USP1: variants seen among roughly 807,000 people sequenced by gnomAD.
The protein encoded by USP1 is ubiquitin carboxyl-terminal hydrolase 1.
A neutral mutation model predicts 72.2 loss-of-function variants in USP1; 18 were observed. The observed-to-expected ratio is 0.25, with a 90% CI of 0.17 to 0.37. USP1 has a LOEUF of 0.37. USP1 is among the 10% of genes least tolerant of loss of function. The pLI, the probability that USP1 is intolerant of heterozygous loss-of-function variation, is 1.00. For missense variants in USP1, 759 were observed against 884.9 expected, an observed-to-expected ratio of 0.86 and a Z score of 1.81; for synonymous variants, 354 against 303.7, an observed-to-expected ratio of 1.17 and a Z score of -1.72.
At position 62,437,358 on chromosome 1, in the gene USP1, T is replaced by A. The variant is rs1413444612; in HGVS notation, c.-112T>A. Reference sequence around the variant, plus strand: ...CACCCACACTCATTCGGGTTGGACTTGCCGGCGTCACCGCCGCGGACTTCG... The same window carrying A: ...CACCCACACTCATTCGGGTTGGACTAGCCGGCGTCACCGCCGCGGACTTCG... On this transcript the variant is annotated 5_prime_UTR_variant, in exon 1 of 9. Coordinates refer to ENST00000339950, the MANE Select transcript of USP1 (RefSeq NM_003368.5). The A allele has an allele frequency of 2.5e-6, 1 of 393,280 alleles. No individual in the cohort carries two copies. The highest frequency in any genetic ancestry group is 2.1e-5 in the African/African-American group (1 of 48,450). The allele number at this position is 393,280 out of a possible 1,614,324, so 24.4% of individuals were successfully genotyped here.
Position 62,445,170 on chromosome 1 carries a change from C to G in USP1, c.990C>G (p.Pro330=). ...KYISENESPR[P]SQKKSRVKIN... ...TTTCTGAAAATGAGAGTCCAAGACC[C>G]TCACAAAAGAAATCAAGAGTTAAAA... is the stretch of plus-strand genomic sequence containing the variant. The change falls in exon 6 of 9, where the codon CCC becomes CCG. Residue 330 remains proline, a synonymous_variant. Coordinates refer to ENST00000339950, the MANE Select transcript of USP1 (RefSeq NM_003368.5). 6.2e-7 allele frequency: 1 copy of G among 1,613,160 alleles called. No individual in the cohort carries two copies. The highest frequency in any genetic ancestry group is 8.5e-7 in the Non-Finnish European group (1 of 1,179,806).
chr1:62,450,700 A>C lies in USP1; in HGVS notation c.2077A>C (p.Thr693Pro), dbSNP rs2149208707. The change falls in exon 9 of 9, where the codon ACA becomes CCA. Residue 693 changes from threonine to proline, a missense_variant. By Grantham distance (38) the Thr-to-Pro change is conservative. Transcript: ENST00000339950. ...KASNPDKVASTAFAENRNSET... is the reference protein window; with the variant it reads ...KASNPDKVASPAFAENRNSET... Reference sequence around the variant, plus strand: ...CTCTAATCCTGATAAGGTTGCTAGTACAGCGTTTGCTGAAAATAGAAATTC... The same window carrying C: ...CTCTAATCCTGATAAGGTTGCTAGTCCAGCGTTTGCTGAAAATAGAAATTC... 6.2e-7 allele frequency: 1 copy of C among 1,614,154 alleles called. No homozygotes were observed. Among genetic ancestry groups the C allele is most frequent in the South Asian group, 1.1e-5 (1 of 91,068 alleles).
chr1:62,440,791 A>C (rs1645127513), intron 2 of USP1, among the ~76,000 whole-genome samples: 1 of 152,182 alleles, frequency 6.6e-6, no homozygotes, highest in Non-Finnish European at 1.5e-5. Flanking sequence ...ATAAATGAAA[A>C]TATTGGAAGG....
chr1:62,444,726 T>A lies in USP1; in HGVS notation c.558-12T>A, dbSNP rs1240504681. The A allele has an allele frequency of 6.6e-7, 1 of 1,510,610 alleles. No individual in the cohort carries two copies. Among genetic ancestry groups the A allele is most frequent in the African/African-American group, 1.4e-5 (1 of 70,966 alleles). 93.6% of individuals were successfully genotyped at this position (1,510,610 alleles called of 1,614,324 possible). A position where few individuals can be genotyped will look rare whatever the true frequency, so the allele number is the denominator to read the frequency against. ...AAACTAGAATAGATGAAATGGAAAT[T>A]TTTATTTATAGGGAACTCAACCCTA... On this transcript the variant is annotated splice_polypyrimidine_tract_variant and intron_variant, in intron 5 of 8. Transcript: ENST00000339950.
chr1:62,437,460 C>T (rs1645098261), intron 1 of USP1, 60 bp downstream of exon 1: 2 of 324,868 alleles, frequency 6.2e-6, no homozygotes, highest in East Asian at 4.5e-5. Flanking sequence ...TCGGCCGGCG[C>T]GGGAGAGGAG....
rs1645093082 is a variant in USP1, at chr1:62,437,079, A to G, written c.-391A>G. 2.5e-6 allele frequency: 1 copy of G among 398,754 alleles called. No individual in the cohort carries two copies. Among genetic ancestry groups the G allele is most frequent in the Non-Finnish European group, 4.4e-6 (1 of 225,916 alleles). 24.7% of individuals were successfully genotyped at this position (398,754 alleles called of 1,614,324 possible). ...CGCGCCAAGTTCCCCTCGGTGGCGGAGTGCTAAAGACCCTAGCGGTTCAGG... is the reference window on the plus strand; with the variant it reads ...CGCGCCAAGTTCCCCTCGGTGGCGGGGTGCTAAAGACCCTAGCGGTTCAGG... On this transcript the variant is annotated 5_prime_UTR_variant, in exon 1 of 9. Coordinates refer to ENST00000339950, the MANE Select transcript of USP1 (RefSeq NM_003368.5).
At chr1:62,436,612 T>C (rs1355108762), upstream of USP1, 2 of 152,724 alleles carry the variant, frequency 1.3e-5, no homozygotes, top group African/African-American at 4.8e-5. Context: ...GTTTTGGGGA[T>C]TGTTCATCAT....
In USP1 at chr1:62,437,383, G is replaced by C. The variant is rs1645097046; in HGVS notation, c.-87G>C. 5.1e-6 allele frequency: 2 copies of C among 388,808 alleles called. No individual in the cohort carries two copies. Among genetic ancestry groups the C allele is most frequent in the Non-Finnish European group, 9.1e-6 (2 of 220,206 alleles). 24.1% of individuals were successfully genotyped at this position (388,808 alleles called of 1,614,324 possible). A position where few individuals can be genotyped will look rare whatever the true frequency, so the allele number is the denominator to read the frequency against. ...TGCCGGCGTCACCGCCGCGGACTTC[G>C]CTTTGGGCCATGACCAGGTAAGGAG... On this transcript the variant is annotated 5_prime_UTR_variant, in exon 1 of 9. Coordinates refer to ENST00000339950, the MANE Select transcript of USP1 (RefSeq NM_003368.5).
At chr1:62,441,741 G>A (rs1047358931) in intron 3 of USP1, 133 bp downstream of exon 3, 1 of 1,059,738 alleles carries the variant, frequency 9.4e-7, no homozygotes, top group Non-Finnish European at 1.3e-6. Context: ...AACCAGAATA[G>A]GCTAAAATAA....
intron 2 of USP1, among the ~76,000 whole-genome samples, 177 bp downstream of exon 2, chr1:62,440,214 A>G (rs1344435603): frequency 6.6e-6 from 1 of 152,200 alleles, no homozygotes; most frequent in African/African-American, 2.4e-5. Context: ...GGTTCCCCGT[A>G]GGAATCACAT....
At chr1:62,441,920 T>C (rs1048666047) in intron 3 of USP1, among the ~76,000 whole-genome samples, 1 of 152,170 alleles carries the variant, frequency 6.6e-6, no homozygotes, top group African/African-American at 2.4e-5. Context: ...GAAGTAACGT[T>C]GGCATTGTGT....
At chr1:62,438,892 G>A (rs1438135824) in intron 1 of USP1, among the ~76,000 whole-genome samples, 1 of 152,138 alleles carries the variant, frequency 6.6e-6, no homozygotes, top group Admixed American at 6.5e-5. Flanking sequence ...AAAGTGCATC[G>A]AACAGTTTTT....
chr1:62,442,097 C>T lies in USP1; in HGVS notation c.292-98C>T. 3 of 797,428 alleles carry T rather than the reference C, an allele frequency of 3.8e-6. No homozygotes were observed. In the East Asian group the frequency reaches 8.4e-5, roughly 22 times the overall value. The allele number at this position is 797,428 out of a possible 1,614,324, so 49.4% of individuals were successfully genotyped here. On this transcript the variant is annotated intron_variant, in intron 3 of 8. Transcript: ENST00000339950. ...TTAATCTCAGAATTTTAGGGTAATACATGTTAAAAGTGCTCTATAGAAAGC... is the reference window on the plus strand; with the variant it reads ...TTAATCTCAGAATTTTAGGGTAATATATGTTAAAAGTGCTCTATAGAAAGC...
chr1:62,448,490 G>A lies in USP1; in HGVS notation c.1446G>A (p.Met482Ile). 1.2e-6 allele frequency: 2 copies of A among 1,613,904 alleles called. No individual in the cohort carries two copies. The highest frequency in any genetic ancestry group is 1.7e-6 in the Non-Finnish European group (2 of 1,179,906). ...SEISPEPKTE[M>I]KTLRWAISQF... ...TTTCTCCAGAGCCAAAAACAGAAATGAAGACCCTGAGATGGGCAATTTCAC... is the reference window on the plus strand; with the variant it reads ...TTTCTCCAGAGCCAAAAACAGAAATAAAGACCCTGAGATGGGCAATTTCAC... The change falls in exon 8 of 9, where the codon ATG becomes ATA. Residue 482 changes from methionine to isoleucine, a missense_variant. This residue lies in a region of USP1 where 140 missense variants were observed against 222.8 expected (regional missense o/e 0.63). Coordinates refer to ENST00000339950, the MANE Select transcript of USP1 (RefSeq NM_003368.5).
chr1:62,450,215 C>T, intron 8 of USP1, 31 bp from the exon 9 acceptor site: 1 of 1,578,578 alleles, frequency 6.3e-7, no homozygotes, highest in South Asian at 1.2e-5. Flanking sequence ...AATAGAACTG[C>T]AGGAAACCTT....
chr1:62,447,541 A>T (rs751402480), intron 7 of USP1, 30 bp downstream of exon 7: 31 of 1,585,438 alleles, frequency 2.0e-5, no homozygotes, highest in Middle Eastern at 3.4e-4. Context: ...TGTGTGGACC[A>T]TGATGGAATA....
At chr1:62,441,717 T>C in intron 3 of USP1, 109 bp downstream of exon 3, 1 of 1,278,062 alleles carries the variant, frequency 7.8e-7, no homozygotes, top group East Asian at 2.6e-5. Context: ...TGTCTTTGCC[T>C]TTGATTGTTA....
chr1:62,438,056 A>C (rs575932200), intron 1 of USP1, among the ~76,000 whole-genome samples: 1 of 152,076 alleles, frequency 6.6e-6, no homozygotes, highest in South Asian at 2.1e-4. Context: ...GTTACAAGGA[A>C]AGCCAGGAGC....
chr1:62,442,623 CAG>C (rs1393538214), intron 4 of USP1, among the ~76,000 whole-genome samples: 4 of 152,116 alleles, frequency 2.6e-5, no homozygotes, highest in African/African-American at 9.7e-5. Flanking sequence ...AATTTAAATA[CAG>C]TGTATTTAAA....
Sources: allele counts gnomAD v4.1 joint callset (sites outside exome capture counted in the v4.1 genomes callset), GRCh38; gene constraint gnomAD v4.1.1; regional missense constraint gnomAD v4.1.1; transcripts MANE v1.5; gene names NCBI Gene and HGNC (gene_info 2026-07-23, HGNC 2026-07-21).